Variants in HMBOX1 observed in about 807,000 individuals in gnomAD.
HMBOX1 encodes homeobox-containing protein 1.
A neutral mutation model predicts 54.5 loss-of-function variants in HMBOX1; 14 were observed. That is an observed-to-expected ratio of 0.26 (90% CI 0.17 to 0.40). The LOEUF (loss-of-function observed/expected upper bound fraction) is 0.40, where lower values mean the gene tolerates loss of function less well. Ranked by LOEUF, HMBOX1 falls within the 10% of genes least tolerant of loss-of-function variation. The pLI is 1.00. For missense variants in HMBOX1, 332 were observed against 514.4 expected (o/e 0.65, Z 3.43); for synonymous variants, 160 against 181.0 (o/e 0.88, Z 0.93).
chr8:28,965,611 C>T (rs990814510), intron 2 of HMBOX1, among the ~76,000 whole-genome samples: 1 of 152,160 alleles, frequency 6.6e-6, no homozygotes, highest in South Asian at 2.1e-4. Flanking sequence ...GGCTTGACCA[C>T]CATAGCTGAG....
At chr8:28,902,195 A>C (rs1020382583) in intron 1 of HMBOX1, among the ~76,000 whole-genome samples, 2 of 152,156 alleles carry the variant, frequency 1.3e-5, no homozygotes, top group African/African-American at 4.8e-5. Flanking sequence ...GACTGAATTT[A>C]TCCTCAGAAG....
At position 29,029,611 on chromosome 8, in the gene HMBOX1, G is replaced by C. The variant is rs377094801; in HGVS notation, c.851+10698G>C. Among the ~76,000 whole-genome samples, 4 of 152,302 alleles carry C rather than the reference G, an allele frequency of 2.6e-5. No individual in the cohort carries two copies. In the South Asian group the frequency reaches 8.3e-4, roughly 32 times the overall value. On this transcript the variant is annotated intron_variant, in intron 6 of 9. Coordinates refer to ENST00000287701, the MANE Select transcript of HMBOX1 (RefSeq NM_001135726.3). ...CCCTAAAGATCATCTAGTTCAGTTT[G>C]TTGTTTAGATCAAGAACCTGTAATT... is the stretch of plus-strand genomic sequence containing the variant.
chr8:28,980,396 G>T (rs1466866121), intron 4 of HMBOX1, among the ~76,000 whole-genome samples: 1 of 152,088 alleles, frequency 6.6e-6, no homozygotes, highest in African/African-American at 2.4e-5. Context: ...TCCCTATTTT[G>T]TGGCTAGAAA....
intron 1 of HMBOX1, among the ~76,000 whole-genome samples, chr8:28,939,948 A>G (rs1368645461): frequency 1.3e-5 from 2 of 152,100 alleles, no homozygotes; most frequent in African/African-American, 4.8e-5. Flanking sequence ...TTTACGCATG[A>G]TGTTCCCTTT....
At chr8:28,917,628 T>G (rs995640884) in intron 1 of HMBOX1, among the ~76,000 whole-genome samples, 62 of 152,192 alleles carry the variant, frequency 4.1e-4, no homozygotes, top group African/African-American at 1.5e-3. Context: ...CTGTTTTCAG[T>G]GTTAAGGCAA....
At position 29,040,347 on chromosome 8, in the gene HMBOX1, T is replaced by C. The variant is rs137941458; in HGVS notation, c.852-5014T>C. ...TTGCTATTTTATTTCCTGGTCTACC[T>C]TTATCTTCAAAAAACTCTTCTACTT... On this transcript the variant is annotated intron_variant, in intron 6 of 9. Coordinates refer to ENST00000287701, the MANE Select transcript of HMBOX1 (RefSeq NM_001135726.3). Among the ~76,000 whole-genome samples the C allele has an allele frequency of 2.6e-3, 391 of 152,302 alleles. 3 individuals carry two copies. Among genetic ancestry groups the C allele is most frequent in the African/African-American group, 9.1e-3 (377 of 41,566 alleles).
chr8:28,982,327 AT>A (rs1262657571), intron 4 of HMBOX1, among the ~76,000 whole-genome samples: 5 of 152,240 alleles, frequency 3.3e-5, no homozygotes, highest in African/African-American at 1.2e-4. Context: ...TGTTTGAGAA[AT>A]GCTATTCTAG....
chr8:28,969,129 C>T (rs984288541), intron 2 of HMBOX1, among the ~76,000 whole-genome samples: 5 of 152,030 alleles, frequency 3.3e-5, no homozygotes, highest in South Asian at 2.1e-4. Context: ...GCCAAGACTG[C>T]GCCACTGCAC....
rs2132994986 is a variant in HMBOX1 at position 29,018,913 on chromosome 8, G to A, written c.851G>A (p.Ser284Asn). The A allele has an allele frequency of 6.2e-7, 1 of 1,613,938 alleles. No homozygotes were observed. Among genetic ancestry groups the A allele is most frequent in the Middle Eastern group, 1.7e-4 (1 of 6,058 alleles). ...WRKECLAVME[S>N]YFNENQYPDE... ...AAGGAGTGCCTGGCTGTTATGGAAAGGTATGTGTCTCCTTTTTCTACGAAT... is the reference window on the plus strand; with the variant it reads ...AAGGAGTGCCTGGCTGTTATGGAAAAGTATGTGTCTCCTTTTTCTACGAAT... Residue 284 changes from serine (S) to asparagine (N), a missense_variant and splice_region_variant, in exon 6 of 10, where the codon AGT becomes AAT. Ser to Asn is a conservative substitution (Grantham distance 46, BLOSUM62 1). This residue lies in a region of HMBOX1 where 117 missense variants were observed against 220.0 expected (regional missense o/e 0.53). Transcript: ENST00000287701.
chr8:28,968,275 C>G (rs965568994), intron 2 of HMBOX1, among the ~76,000 whole-genome samples: 1 of 152,102 alleles, frequency 6.6e-6, no homozygotes, highest in Non-Finnish European at 1.5e-5. Flanking sequence ...ATTACTAGGA[C>G]CCCTAGGTTC....
chr8:28,992,327 T>G (rs1340836461), intron 4 of HMBOX1, among the ~76,000 whole-genome samples: 3 of 152,222 alleles, frequency 2.0e-5, no homozygotes, highest in Non-Finnish European at 4.4e-5. Context: ...TGGCACATAG[T>G]AAATGCCATA....
At chr8:29,048,919 CAG>C in intron 8 of HMBOX1, 33 bp from the exon 9 acceptor site, 2 of 1,407,148 alleles carry the variant, frequency 1.4e-6, no homozygotes, top group Non-Finnish European at 2.0e-6. Flanking sequence ...GATAAGGTAA[CAG>C]ATAATTTAGG....
intron 1 of HMBOX1, among the ~76,000 whole-genome samples, chr8:28,939,304 A>G (rs13260090): frequency 2.6e-5 from 4 of 151,608 alleles, no homozygotes; most frequent in Non-Finnish European, 4.4e-5. Flanking sequence ...AAAAAAAAAG[A>G]AAAAAGGAAA....
At position 28,970,829 on chromosome 8, in the gene HMBOX1, T is replaced by C. The variant is rs1009762098; in HGVS notation, c.500+310T>C. 2.6e-5 allele frequency among the ~76,000 whole-genome samples: 4 copies of C among 152,136 alleles called. No homozygotes were observed. The highest frequency in any genetic ancestry group is 9.7e-5 in the African/African-American group (4 of 41,428). ...GCTAATTTCTGACTAACAGACACAT[T>C]CTAATCCTTAAAAATCTGTTGTAAG... On this transcript the variant is annotated intron_variant, in intron 3 of 9. Transcript: ENST00000287701. The surrounding 1 kb of genome is among the most constrained non-coding windows in gnomAD (Gnocchi z 4.3).
chr8:28,960,260 C>G (rs1255213582), intron 1 of HMBOX1, among the ~76,000 whole-genome samples: 4 of 143,044 alleles, frequency 2.8e-5, no homozygotes, highest in Non-Finnish European at 2.9e-5. Flanking sequence ...TTATGAAGAA[C>G]AATCCTCTTT....
intron 3 of HMBOX1, among the ~76,000 whole-genome samples, chr8:28,973,816 T>TG (rs1827897948): frequency 9.9e-6 from 1 of 101,364 alleles, no homozygotes; most frequent in Middle Eastern, 4.8e-3. Flanking sequence ...TTTTTTTTTT[T>TG]TTTTTTTTTT....
chr8:28,964,477 T>C (rs974545237), intron 2 of HMBOX1, among the ~76,000 whole-genome samples: 2 of 152,230 alleles, frequency 1.3e-5, no homozygotes, highest in Admixed American at 6.5e-5. Context: ...CCAGTTCATA[T>C]TAAATAGGCC....
At position 28,894,476 on chromosome 8, in the gene HMBOX1, T is replaced by C. The variant is rs116250304; in HGVS notation, c.-58+3798T>C. On this transcript the variant is annotated intron_variant, in intron 1 of 9. Coordinates refer to ENST00000287701, the MANE Select transcript of HMBOX1 (RefSeq NM_001135726.3). ...AGATTTTCATTATCATTCCAAACCA[T>C]TATTTTCACAGATTTTGTTAAAATA... is the stretch of plus-strand genomic sequence containing the variant. 3.3e-3 allele frequency among the ~76,000 whole-genome samples: 495 copies of C among 152,288 alleles called. 3 individuals are homozygous for C. The highest frequency in any genetic ancestry group is 0.011 in the African/African-American group (469 of 41,550).
intron 1 of HMBOX1, among the ~76,000 whole-genome samples, chr8:28,918,919 C>G (rs1214378477): frequency 6.6e-6 from 1 of 152,170 alleles, no homozygotes; most frequent in East Asian, 1.9e-4. Flanking sequence ...ACAGCAGGAA[C>G]TTCTGAAGAC....
Sources: allele counts gnomAD v4.1 joint callset (sites outside exome capture counted in the v4.1 genomes callset), GRCh38; gene constraint gnomAD v4.1.1; regional missense constraint gnomAD v4.1.1; non-coding constraint Gnocchi (gnomAD v3.1); transcripts MANE v1.5; gene names NCBI Gene and HGNC (gene_info 2026-07-23, HGNC 2026-07-21).